The following MTUS2 variants were observed in gnomAD, a reference collection of about 807,000 sequenced individuals.
MTUS2 encodes microtubule-associated tumor suppressor candidate 2.
A neutral mutation model predicts 114.1 loss-of-function variants in MTUS2; 40 were observed. That is an observed-to-expected ratio of 0.35 (90% CI 0.27 to 0.46). MTUS2 has a LOEUF of 0.46. Ranked by LOEUF, MTUS2 falls within the 20% of genes least tolerant of loss-of-function variation. The pLI, the probability that MTUS2 is intolerant of heterozygous loss-of-function variation, is 1.00. For missense variants in MTUS2, 1,679 were observed against 1,705.4 expected (o/e 0.98, Z 0.27); for synonymous variants, 688 against 672.0 (o/e 1.02, Z -0.37).
chr13:29,216,309 G>A (rs1235370531), intron 5 of MTUS2, among the ~76,000 whole-genome samples: 1 of 152,210 alleles, frequency 6.6e-6, no homozygotes, highest in Admixed American at 6.5e-5. Context: ...AGCTTGCTGG[G>A]CTCCATGGGG....
chr13:29,188,001 A>G (rs944728592), intron 5 of MTUS2, among the ~76,000 whole-genome samples: 2 of 152,178 alleles, frequency 1.3e-5, no homozygotes, highest in Non-Finnish European at 2.9e-5. Context: ...AGCTACCAGG[A>G]CCTTGGCTCC....
chr13:29,052,816 T>G (rs930761971), intron 4 of MTUS2, among the ~76,000 whole-genome samples: 4 of 152,190 alleles, frequency 2.6e-5, no homozygotes, highest in Non-Finnish European at 5.9e-5. Context: ...TGAATTGTAG[T>G]TCCCATAATC....
chr13:29,191,195 T>C (rs1894434349), intron 5 of MTUS2, among the ~76,000 whole-genome samples: 2 of 152,026 alleles, frequency 1.3e-5, no homozygotes, highest in Admixed American at 1.3e-4. Context: ...CAAGTCTGAG[T>C]TTGAGGCTGT....
chr13:28,915,689 T>C (rs1008743370), intron 2 of MTUS2, among the ~76,000 whole-genome samples: 2 of 152,020 alleles, frequency 1.3e-5, no homozygotes, highest in African/African-American at 4.8e-5. Context: ...TTATATATTC[T>C]GGTTATTAAT....
intron 5 of MTUS2, among the ~76,000 whole-genome samples, chr13:29,205,095 G>C (rs1432622716): frequency 2.6e-5 from 4 of 152,092 alleles, no homozygotes; most frequent in Non-Finnish European, 4.4e-5. Context: ...GAAAACTGAA[G>C]GTACCTGTTA....
chr13:29,367,599 A>T (rs1870823445), intron 8 of MTUS2, among the ~76,000 whole-genome samples: 1 of 152,102 alleles, frequency 6.6e-6, no homozygotes, highest in South Asian at 2.1e-4. Context: ...AGAGGTGAGA[A>T]GGGTCAGGGG....
At chr13:28,973,759 GCA>G (rs1475853214) in intron 2 of MTUS2, among the ~76,000 whole-genome samples, 1 of 152,206 alleles carries the variant, frequency 6.6e-6, no homozygotes, top group African/African-American at 2.4e-5. Context: ...GAAAAATAAA[GCA>G]TGTGGAAAGG....
chr13:29,207,263 T>C (rs1478691246), intron 5 of MTUS2, among the ~76,000 whole-genome samples: 1 of 152,196 alleles, frequency 6.6e-6, no homozygotes, highest in Non-Finnish European at 1.5e-5. Flanking sequence ...TACTGATTTG[T>C]GTATGTTGAT....
At chr13:29,035,153 A>G (rs1200827910) in intron 4 of MTUS2, among the ~76,000 whole-genome samples, 1 of 152,186 alleles carries the variant, frequency 6.6e-6, no homozygotes, top group Non-Finnish European at 1.5e-5. Context: ...CTAGAAGTAC[A>G]CATATGAGGG....
chr13:28,929,563 A>G (rs1593308562), intron 2 of MTUS2, among the ~76,000 whole-genome samples: 1 of 152,212 alleles, frequency 6.6e-6, no homozygotes. Context: ...GGCTGGAACC[A>G]TGACTTCAAG....
At chr13:29,287,447 G>T (rs1223438614) in intron 6 of MTUS2, among the ~76,000 whole-genome samples, 1 of 152,110 alleles carries the variant, frequency 6.6e-6, no homozygotes, top group Non-Finnish European at 1.5e-5. Flanking sequence ...TTCCATAAAA[G>T]AATGCATTTT....
intron 6 of MTUS2, among the ~76,000 whole-genome samples, chr13:29,314,605 A>G (rs1220119350): frequency 1.3e-5 from 2 of 152,190 alleles, no homozygotes; most frequent in Non-Finnish European, 1.5e-5. Flanking sequence ...GTAGCATTAT[A>G]AACATGTTAC....
At chr13:29,308,884 GT>G (rs1899613123) in intron 6 of MTUS2, among the ~76,000 whole-genome samples, 1 of 143,510 alleles carries the variant, frequency 7.0e-6, no homozygotes, top group South Asian at 2.2e-4. Context: ...CTATTACAAA[GT>G]TAAAAACAAA....
intron 2 of MTUS2, among the ~76,000 whole-genome samples, chr13:28,933,916 A>G (rs944496595): frequency 6.6e-5 from 10 of 152,232 alleles, no homozygotes; most frequent in Non-Finnish European, 2.9e-5. Flanking sequence ...TTGGAAAATG[A>G]CTTATGATTC....
chr13:29,146,947 G>T (rs1354997232), intron 5 of MTUS2, among the ~76,000 whole-genome samples: 2 of 152,182 alleles, frequency 1.3e-5, no homozygotes, highest in African/African-American at 4.8e-5. Context: ...TTGTTGTGGT[G>T]TCAATTTTCA....
intron 8 of MTUS2, among the ~76,000 whole-genome samples, chr13:29,385,289 G>A (rs754176191): frequency 6.6e-6 from 1 of 152,196 alleles, no homozygotes; most frequent in Admixed American, 6.5e-5. Flanking sequence ...TAGCTCTGTG[G>A]CCTGTCCCTG....
chr13:29,397,041 G>C (rs1355213477), intron 8 of MTUS2, among the ~76,000 whole-genome samples: 1 of 152,192 alleles, frequency 6.6e-6, no homozygotes, highest in African/African-American at 2.4e-5. Flanking sequence ...ACCTATAAGG[G>C]AGTAAGGGAA....
intron 10 of MTUS2, among the ~76,000 whole-genome samples, chr13:29,482,910 T>C (rs890552504): frequency 6.6e-6 from 1 of 152,196 alleles, no homozygotes; most frequent in Non-Finnish European, 1.5e-5. Context: ...GGCTTCAGTT[T>C]CCCTAGCAGA....
chr13:29,168,376 G>A (rs2987337), intron 5 of MTUS2, among the ~76,000 whole-genome samples: 152,106 of 152,308 alleles, frequency 1, 75,952 homozygotes, highest in Middle Eastern at 1. Context: ...ATAATGTGAG[G>A]TGATGGCTCT....
Sources: allele counts gnomAD v4.1 joint callset (sites outside exome capture counted in the v4.1 genomes callset), GRCh38; gene constraint gnomAD v4.1.1; transcripts MANE v1.5; gene names NCBI Gene and HGNC (gene_info 2026-07-23, HGNC 2026-07-21).